The following STRIP1 variants were observed in gnomAD, a reference collection of about 807,000 sequenced individuals.
STRIP1 encodes striatin interacting protein 1.
Under a neutral mutation model 106.2 loss-of-function variants are expected in STRIP1, and 63 were observed. The ratio of observed to expected loss-of-function variants is 0.59; its 90% confidence interval spans 0.48 to 0.73. The LOEUF (loss-of-function observed/expected upper bound fraction) is 0.73, where lower values mean the gene tolerates loss of function less well. Ranked by LOEUF, STRIP1 falls within the 30% of genes least tolerant of loss-of-function variation. STRIP1 has a pLI of 0.00. For missense variants in STRIP1, 857 were observed against 1,074.8 expected, an observed-to-expected ratio of 0.80 and a Z score of 2.83; for synonymous variants, 390 against 413.0, an observed-to-expected ratio of 0.94 and a Z score of 0.67.
At chr1:110,049,785 G>C (rs1356502969) in intron 17 of STRIP1, 1 of 514,734 alleles carries the variant, frequency 1.9e-6, no homozygotes, top group Admixed American at 3.7e-5. Context: ...TGCCTGGGCA[G>C]GAGGGTTTTC....
Position 110,054,081 on chromosome 1 carries a change from C to G in STRIP1, c.*169C>G. The G allele has an allele frequency of 2.7e-6, 2 of 738,966 alleles. No individual in the cohort carries two copies. Among genetic ancestry groups the G allele is most frequent in the Non-Finnish European group, 2.2e-6 (1 of 457,006 alleles). 45.8% of individuals were successfully genotyped at this position (738,966 alleles called of 1,614,324 possible). A position where few individuals can be genotyped will look rare whatever the true frequency, so the allele number is the denominator to read the frequency against. On this transcript the variant is annotated 3_prime_UTR_variant, in exon 21 of 21. Transcript: ENST00000369795. ...TTGGGTGAGCCCAGCTTGACCTCCC[C>G]TTGGTTCCCAGGGTCCTGCTCCGAA... is the stretch of plus-strand genomic sequence containing the variant.
In STRIP1 at chr1:110,041,618, C is replaced by T. The variant is rs762142372; in HGVS notation, c.733C>T (p.Arg245Trp). The change falls in exon 7 of 21, where the codon CGG (arginine) becomes TGG (tryptophan). Residue 245 changes from arginine to tryptophan, a missense_variant. Transcript: ENST00000369795. ...TGACAAGGCTGAGTGGAGGACCATGCGGCAGACCTTCAGAGCCGAGCTGGG... is the reference window on the plus strand; with the variant it reads ...TGACAAGGCTGAGTGGAGGACCATGTGGCAGACCTTCAGAGCCGAGCTGGG... ...EGDKAEWRTM[R>W]QTFRAELGSP... The T allele has an allele frequency of 1.9e-5, 31 of 1,614,024 alleles. No individual in the cohort carries two copies. The highest frequency in any genetic ancestry group is 2.5e-5 in the Non-Finnish European group (29 of 1,179,950).
At chr1:110,045,917 G>A (rs768919557) in intron 12 of STRIP1, among the ~76,000 whole-genome samples, 3 of 152,184 alleles carry the variant, frequency 2.0e-5, no homozygotes, top group African/African-American at 2.4e-5. Flanking sequence ...GGGGTGTTTC[G>A]CAAACCCCTG....
chr1:110,038,059 C>A, intron 2 of STRIP1, 99 bp downstream of exon 2: 2 of 359,614 alleles, frequency 5.6e-6, no homozygotes, highest in East Asian at 4.9e-5. Flanking sequence ...ATTGCTTTCC[C>A]TAGTTCTATC....
At chr1:110,049,406 C>T in intron 16 of STRIP1, 54 bp from the exon 17 acceptor site, 1 of 1,525,996 alleles carries the variant, frequency 6.6e-7, no homozygotes, top group Non-Finnish European at 8.9e-7. Flanking sequence ...GGAAAGAGGG[C>T]AAGGTCCCAA....
intron 14 of STRIP1, 55 bp downstream of exon 14, chr1:110,047,671 T>G: frequency 3.2e-6 from 5 of 1,564,650 alleles, no homozygotes; most frequent in Non-Finnish European, 8.7e-7. Context: ...GAGCAGGCCC[T>G]GCCGTCCTCC....
At chr1:110,049,811 A>T in intron 17 of STRIP1, 1 of 450,038 alleles carries the variant, frequency 2.2e-6, no homozygotes. Context: ...AGGATCTAGT[A>T]CTTTCCTCCC....
Position 110,043,727 on chromosome 1 carries a change from A to G in STRIP1, c.1157A>G (p.Asp386Gly), listed in dbSNP as rs761495434. ...TCTCGAGAAGAGGAAGAGGAGAATG[A>G]TGATGACAACAGTCTGGAGGGGGAG... ...DDSREEEEEN[D>G]DDNSLEGETF... The change falls in exon 10 of 21, where the codon GAT becomes GGT. Residue 386 changes from aspartate to glycine, a missense_variant. By Grantham distance (94) the Asp-to-Gly change is moderately conservative. Coordinates refer to ENST00000369795, the MANE Select transcript of STRIP1 (RefSeq NM_033088.4). 1 of 1,614,204 alleles carries G rather than the reference A, an allele frequency of 6.2e-7. No homozygotes were observed. The highest frequency in any genetic ancestry group is 1.1e-5 in the South Asian group (1 of 91,084).
intron 5 of STRIP1, among the ~76,000 whole-genome samples, chr1:110,040,152 G>A (rs1652685900): frequency 6.6e-6 from 1 of 152,114 alleles, no homozygotes; most frequent in South Asian, 2.1e-4. Context: ...GCATGGCTGG[G>A]TTTTTTGTTT....
Position 110,039,446 on chromosome 1 carries a change from A to G in STRIP1, c.512A>G (p.Tyr171Cys). 6.2e-7 allele frequency: 1 copy of G among 1,613,736 alleles called. No individual in the cohort carries two copies. The highest frequency in any genetic ancestry group is 1.1e-5 in the South Asian group (1 of 90,940). Residue 171 changes from tyrosine (Y) to cysteine (C), a missense_variant, in exon 5 of 21, where the codon TAC (tyrosine) becomes TGC (cysteine). Physicochemically the swap from Tyr to Cys is radical, Grantham distance 194. Coordinates refer to ENST00000369795, the MANE Select transcript of STRIP1 (RefSeq NM_033088.4). ...SEAEVQSWMRYNIFLLLEVGT... is the reference protein window; with the variant it reads ...SEAEVQSWMRCNIFLLLEVGT... Reference sequence around the variant, plus strand: ...GCAGAGGTGCAGTCCTGGATGCGCTACAACATCTTTCTCCTCCTGGAGGTG... The same window carrying G: ...GCAGAGGTGCAGTCCTGGATGCGCTGCAACATCTTTCTCCTCCTGGAGGTG...
intron 1 of STRIP1, among the ~76,000 whole-genome samples, chr1:110,035,351 G>C (rs111555054): frequency 3.7e-4 from 56 of 152,328 alleles, no homozygotes; most frequent in African/African-American, 1.3e-3. Flanking sequence ...AGAGTAGGAG[G>C]GGGAAACATG....
intron 1 of STRIP1, among the ~76,000 whole-genome samples, chr1:110,035,182 G>T (rs1427233547): frequency 6.6e-6 from 1 of 152,178 alleles, no homozygotes; most frequent in Non-Finnish European, 1.5e-5. Context: ...CTGGGCTGCC[G>T]CGCCCCCAAC....
In STRIP1 at chr1:110,049,214, C is replaced by T. The variant is rs1646000781; in HGVS notation, c.1764C>T (p.His588=). The stretch of plus-strand genomic sequence containing the variant: ...CTGTCCTGCTGCTGCTGCTCAAGCA[C>T]TTTAAGTTGAACCATGTCTACCAGG... ...ISAVLLLLLK[H]FKLNHVYQFE... The change falls in exon 16 of 21, where the codon CAC becomes CAT. Residue 588 remains histidine (H), a synonymous_variant. Transcript: ENST00000369795. The T allele has an allele frequency of 6.2e-7, 1 of 1,614,218 alleles. No individual in the cohort carries two copies. Among genetic ancestry groups the T allele is most frequent in the Non-Finnish European group, 8.5e-7 (1 of 1,180,048 alleles).
At chr1:110,051,469 A>G (rs1476102806) in intron 19 of STRIP1, among the ~76,000 whole-genome samples, 3 of 152,200 alleles carry the variant, frequency 2.0e-5, no homozygotes, top group South Asian at 4.1e-4. Flanking sequence ...AAAGTGACAC[A>G]TAGTTAGGGT....
intron 7 of STRIP1, 46 bp downstream of exon 7, chr1:110,041,688 G>A (rs1368003826): frequency 2.5e-6 from 4 of 1,614,150 alleles, no homozygotes; most frequent in Non-Finnish European, 3.4e-6. Context: ...TGGAAGCTGA[G>A]GCGGAAGGCT....
In STRIP1 at chr1:110,044,825, T is replaced by G; in HGVS notation, c.1287-15T>G. ...AAAACCTTTTTTCTTTCTCTCTTTT[T>G]TGGTGATGTGGCAGAGAGAAAGACA... is the stretch of plus-strand genomic sequence containing the variant. On this transcript the variant is annotated splice_polypyrimidine_tract_variant and intron_variant, in intron 10 of 20. Transcript: ENST00000369795. 2 of 1,613,636 alleles carry G rather than the reference T, an allele frequency of 1.2e-6. No homozygotes were observed. Among genetic ancestry groups the G allele is most frequent in the Non-Finnish European group, 1.7e-6 (2 of 1,179,648 alleles).
rs973280967 is a variant in STRIP1, at chr1:110,050,157, G to A, written c.1890-186G>A. The A allele has an allele frequency of 7.0e-5, 42 of 596,502 alleles. No homozygotes were observed. In the African/African-American group the frequency reaches 7.7e-4, roughly 11 times the overall value. The allele number at this position is 596,502 out of a possible 1,614,324, so 37.0% of individuals were successfully genotyped here. ...CTCTGGCTACAGGGGTGCTTTACAA[G>A]TTCTCTTGTAACAGATATTTCCTCA... On this transcript the variant is annotated intron_variant, in intron 17 of 20. Transcript: ENST00000369795.
chr1:110,047,651 A>G (rs1223613878), intron 14 of STRIP1, 35 bp downstream of exon 14: 3 of 1,589,832 alleles, frequency 1.9e-6, no homozygotes, highest in Non-Finnish European at 8.6e-7. Context: ...CTCCCACTAC[A>G]CTGGCCTTAG....
Position 110,039,213 on chromosome 1 carries a change from C to T in STRIP1, c.367C>T (p.Arg123Trp), listed in dbSNP as rs372370356. The T allele has an allele frequency of 2.5e-5, 41 of 1,614,208 alleles. No homozygotes were observed. The highest frequency in any genetic ancestry group is 1.1e-4 in the East Asian group (5 of 44,884). ...KWTELDTNQHRTHAMRLLDGL... is the reference protein window; with the variant it reads ...KWTELDTNQHWTHAMRLLDGL... ...GACTGAGCTGGATACCAACCAGCAC[C>T]GGACCCATGCCATGAGGCTCCTGGA... Residue 123 changes from arginine (R) to tryptophan (W), a missense_variant, in exon 4 of 21, where the codon CGG becomes TGG. Coordinates refer to ENST00000369795, the MANE Select transcript of STRIP1 (RefSeq NM_033088.4).
Sources: allele counts gnomAD v4.1 joint callset (sites outside exome capture counted in the v4.1 genomes callset), GRCh38; gene constraint gnomAD v4.1.1; transcripts MANE v1.5; gene names NCBI Gene and HGNC (gene_info 2026-07-23, HGNC 2026-07-21).